Variants in ULK4 observed in about 807,000 individuals in gnomAD.
The protein encoded by ULK4 is unc-51 like kinase 4.
ULK4 carries 133 observed loss-of-function variants against 160.6 expected under a neutral mutation model. The observed-to-expected ratio is 0.83, with a 90% CI of 0.72 to 0.96. The LOEUF is 0.96. ULK4 is among the 40% of genes least tolerant of loss of function. ULK4 has a pLI of 0.00. For synonymous variants in ULK4, 534 were observed against 539.8 expected (o/e 0.99, Z 0.15); for missense variants, 1,580 against 1,499.5 (o/e 1.05, Z -0.89).
chr3:41,683,387 C>T (rs2035985433), intron 27 of ULK4, among the ~76,000 whole-genome samples: 1 of 151,814 alleles, frequency 6.6e-6, no homozygotes, highest in South Asian at 2.1e-4. Flanking sequence ...GGCTTGTCTG[C>T]GATCACCAGA....
chr3:41,959,507 A>G (rs1422250491), intron 1 of ULK4, among the ~76,000 whole-genome samples: 1 of 152,080 alleles, frequency 6.6e-6, no homozygotes, highest in Non-Finnish European at 1.5e-5. Context: ...CCTGGGTGAC[A>G]AGAGACTCCA....
chr3:41,248,061 T>C (rs116904232), intron 36 of ULK4, among the ~76,000 whole-genome samples: 1 of 152,232 alleles, frequency 6.6e-6, no homozygotes, highest in East Asian at 1.9e-4. Flanking sequence ...TTTTGACACA[T>C]TTGGTCCAAA....
chr3:41,908,448 CT>C (rs1264921010), intron 11 of ULK4, among the ~76,000 whole-genome samples: 10 of 151,402 alleles, frequency 6.6e-5, no homozygotes, highest in Non-Finnish European at 1.2e-4. Flanking sequence ...GAGCTTTTCA[CT>C]TTTTTTTTCT....
chr3:41,288,314 C>T (rs983408138), intron 35 of ULK4, among the ~76,000 whole-genome samples: 1 of 152,184 alleles, frequency 6.6e-6, no homozygotes, highest in Non-Finnish European at 1.5e-5. Context: ...ATGAGCCCCA[C>T]TAAGCACCAG....
intron 20 of ULK4, 46 bp downstream of exon 20, chr3:41,800,086 G>A: frequency 2.0e-6 from 3 of 1,473,504 alleles, no homozygotes; most frequent in South Asian, 1.5e-5. Context: ...CAAACTTGCT[G>A]TTTAAAGATA....
rs146168021 is a variant in ULK4, at chr3:41,450,337, G to T, written c.3492+5160C>A. ...TGAAATTGAGAACTGCGTGAACTCT[G>T]CACATAAGCAAGTCTAGGCATTTTT... On this transcript the variant is annotated intron_variant, in intron 34 of 36. Coordinates refer to ENST00000301831, the MANE Select transcript of ULK4 (RefSeq NM_017886.4). 4.4e-3 allele frequency among the ~76,000 whole-genome samples: 673 copies of T among 152,230 alleles called. 4 individuals carry two copies. The highest frequency in any genetic ancestry group is 0.016 in the African/African-American group (646 of 41,554).
At chr3:41,741,319 T>C (rs2038232064) in intron 22 of ULK4, among the ~76,000 whole-genome samples, 2 of 151,862 alleles carry the variant, frequency 1.3e-5, no homozygotes, top group African/African-American at 2.4e-5. Context: ...CAAATAGAAG[T>C]TTTGCCACTT....
At chr3:41,595,009 G>C (rs1207037254) in intron 31 of ULK4, among the ~76,000 whole-genome samples, 1 of 152,170 alleles carries the variant, frequency 6.6e-6, no homozygotes, top group African/African-American at 2.4e-5. Flanking sequence ...AGCAGTTTTG[G>C]TGTGTGAGAG....
intron 32 of ULK4, among the ~76,000 whole-genome samples, chr3:41,535,275 G>A (rs956298312): frequency 4.6e-5 from 7 of 152,296 alleles, no homozygotes; most frequent in East Asian, 1.9e-4. Context: ...GAGAGCAGTG[G>A]CTGATGCACT....
At chr3:41,901,169 CTTCTTTTTTTTT>C (rs761093123) in intron 12 of ULK4, among the ~76,000 whole-genome samples, 1 of 95,744 alleles carries the variant, frequency 1.0e-5, no homozygotes. Flanking sequence ...AACAGCATGG[CTTCTTTTTTTTT>C]TTTTTTTTTT....
intron 35 of ULK4, among the ~76,000 whole-genome samples, chr3:41,306,447 G>A (rs1408298343): frequency 1.4e-5 from 2 of 147,866 alleles, no homozygotes. Flanking sequence ...CCTCTGCCCG[G>A]CCAGTGGCCC....
chr3:41,905,052 AT>A (rs1462460007), intron 12 of ULK4, among the ~76,000 whole-genome samples: 2 of 152,166 alleles, frequency 1.3e-5, no homozygotes, highest in Non-Finnish European at 2.9e-5. Flanking sequence ...CACCTTAAAA[AT>A]TTTTTTGGAG....
chr3:41,843,884 A>C (rs1289862419), intron 17 of ULK4, among the ~76,000 whole-genome samples: 2 of 152,174 alleles, frequency 1.3e-5, no homozygotes, highest in East Asian at 3.9e-4. Flanking sequence ...TCCCTGAGCT[A>C]GACACAAAGG....
chr3:41,853,998 C>G (rs540474608), intron 17 of ULK4: 9 of 152,300 alleles, frequency 5.9e-5, no homozygotes, highest in Admixed American at 3.3e-4. Context: ...GGCATAAATT[C>G]CTGTTCCATT....
In ULK4 at chr3:41,260,798, A is replaced by G. The variant is rs530014821; in HGVS notation, c.3679-11224T>C. On this transcript the variant is annotated intron_variant, in intron 35 of 36. Transcript: ENST00000301831. ...TGGAGGGTGACAGAGATATTGCACT[A>G]AACACCTGGAACAGTACTGGAGCAT... Among the ~76,000 whole-genome samples the G allele has an allele frequency of 1.4e-4, 22 of 152,336 alleles. No individual in the cohort carries two copies. The South Asian group carries it at 3.1e-3, about 22-fold the overall frequency.
At chr3:41,660,933 C>T (rs2035130542) in intron 30 of ULK4, among the ~76,000 whole-genome samples, 1 of 151,870 alleles carries the variant, frequency 6.6e-6, no homozygotes, top group African/African-American at 2.4e-5. Flanking sequence ...CTGTATCTTG[C>T]CTTTTTAAAC....
intron 27 of ULK4, 139 bp downstream of exon 27, chr3:41,704,918 T>G (rs1442267772): frequency 1.7e-6 from 1 of 584,302 alleles, no homozygotes; most frequent in Admixed American, 3.5e-5. Context: ...ATGTTCATCC[T>G]GCCAGGGTAG....
At chr3:41,351,062 A>C (rs1003809180) in intron 35 of ULK4, among the ~76,000 whole-genome samples, 2 of 152,236 alleles carry the variant, frequency 1.3e-5, no homozygotes, top group African/African-American at 4.8e-5. Context: ...GACTGCTCTG[A>C]GAATGGCTTT....
chr3:41,936,466 C>A (rs1285323941), intron 3 of ULK4, among the ~76,000 whole-genome samples: 1 of 152,152 alleles, frequency 6.6e-6, no homozygotes, highest in East Asian at 1.9e-4. Flanking sequence ...TACTTCTCTA[C>A]CATCTAAGTG....
Sources: allele counts gnomAD v4.1 joint callset (sites outside exome capture counted in the v4.1 genomes callset), GRCh38; gene constraint gnomAD v4.1.1; transcripts MANE v1.5; gene names NCBI Gene and HGNC (gene_info 2026-07-23, HGNC 2026-07-21).